Variants in PLPPR1 observed in about 807,000 individuals in gnomAD.
The protein encoded by PLPPR1 is phospholipid phosphatase related 1.
A neutral mutation model predicts 33.1 loss-of-function variants in PLPPR1; 10 were observed. That is an observed-to-expected ratio of 0.30 (90% CI 0.19 to 0.51). PLPPR1 has a LOEUF of 0.51. PLPPR1 is among the 20% of genes least tolerant of loss of function. PLPPR1 has a pLI of 0.97. For synonymous variants in PLPPR1, 151 were observed against 151.0 expected, an observed-to-expected ratio of 1.00 and a Z score of 0.00; for missense variants, 304 against 408.1, an observed-to-expected ratio of 0.74 and a Z score of 2.20.
intron 1 of PLPPR1, among the ~76,000 whole-genome samples, chr9:101,053,463 A>T (rs948328086): frequency 1.3e-5 from 2 of 152,210 alleles, no homozygotes; most frequent in African/African-American, 2.4e-5. Flanking sequence ...TCTTCCAAAA[A>T]TAAACAATTT....
At chr9:101,227,144 G>T (rs1827087901) in intron 2 of PLPPR1, among the ~76,000 whole-genome samples, 1 of 152,172 alleles carries the variant, frequency 6.6e-6, no homozygotes, top group Non-Finnish European at 1.5e-5. Flanking sequence ...TCAGCACCTT[G>T]AGGGCCTCTT....
At chr9:101,291,090 C>A (rs187143659) in intron 4 of PLPPR1, among the ~76,000 whole-genome samples, 1 of 152,204 alleles carries the variant, frequency 6.6e-6, no homozygotes, top group Non-Finnish European at 1.5e-5. Context: ...CCTAATACTG[C>A]GCTTTTCCGA....
At chr9:101,077,487 T>C (rs1830553395) in intron 1 of PLPPR1, among the ~76,000 whole-genome samples, 1 of 152,234 alleles carries the variant, frequency 6.6e-6, no homozygotes, top group African/African-American at 2.4e-5. Context: ...AGTTATGCAT[T>C]CAAATAGTGC....
intron 1 of PLPPR1, among the ~76,000 whole-genome samples, chr9:101,084,004 G>C (rs1435040923): frequency 2.0e-5 from 3 of 152,150 alleles, no homozygotes; most frequent in African/African-American, 7.2e-5. Flanking sequence ...AATTGTGTTT[G>C]GCCTGAGTGG....
rs370748970 is a variant in PLPPR1, at chr9:101,077,707, A to T, written c.-46+48605A>T. 4.6e-5 allele frequency among the ~76,000 whole-genome samples: 7 copies of T among 152,140 alleles called. No individual in the cohort carries two copies. In the East Asian group the frequency reaches 7.8e-4, roughly 17 times the overall value. On this transcript the variant is annotated intron_variant, in intron 1 of 7. Coordinates refer to ENST00000374874, the MANE Select transcript of PLPPR1 (RefSeq NM_207299.2). ...ACGAGGAGCTCCAAAGTGGGGAAAG[A>T]CCTTCAGAGTCATCCCAAATTGAGG...
rs369914371 is a variant in PLPPR1, at chr9:101,180,143, TACACACAC to T, written c.-45-5295_-45-5288del. Among the ~76,000 whole-genome samples the T allele has an allele frequency of 2.4e-3, 95 of 39,192 alleles. 3 individuals are homozygous for T. The highest frequency in any genetic ancestry group is 8.8e-3 in the African/African-American group (76 of 8,604). The allele number at this position is 39,192 out of a possible 152,430, so 25.7% of individuals were successfully genotyped here. A position where few individuals can be genotyped will look rare whatever the true frequency, so the allele number is the denominator to read the frequency against. On this transcript the variant is annotated intron_variant, in intron 1 of 7. Coordinates refer to ENST00000374874, the MANE Select transcript of PLPPR1 (RefSeq NM_207299.2). ...ATATATATATATATATATATATATA[TACACACAC>T]ACACACACACATACACACACACACA...
At chr9:101,059,100 A>C (rs1326870472) in intron 1 of PLPPR1, among the ~76,000 whole-genome samples, 1 of 152,126 alleles carries the variant, frequency 6.6e-6, no homozygotes, top group East Asian at 1.9e-4. Context: ...TTTTCATTGC[A>C]TATGAGGTAG....
chr9:101,180,143 T>TATACAC (rs1564167627), intron 1 of PLPPR1, among the ~76,000 whole-genome samples: 1 of 39,208 alleles, frequency 2.6e-5, no homozygotes, highest in Admixed American at 2.6e-4. Flanking sequence ...TATATATATA[T>TATACAC]ACACACACAC....
At chr9:101,077,680 C>A (rs1479083269) in intron 1 of PLPPR1, among the ~76,000 whole-genome samples, 2 of 152,024 alleles carry the variant, frequency 1.3e-5, no homozygotes, top group Non-Finnish European at 2.9e-5. Context: ...TTAGACAATC[C>A]CACGAGGAGC....
At chr9:101,163,227 G>A (rs1825794595) in intron 1 of PLPPR1, among the ~76,000 whole-genome samples, 1 of 152,074 alleles carries the variant, frequency 6.6e-6, no homozygotes, top group South Asian at 2.1e-4. Flanking sequence ...TTCCTATTTG[G>A]TGTCTGAACA....
At chr9:101,270,129 C>G (rs1828068157) in intron 3 of PLPPR1, 61 bp downstream of exon 3, 2 of 1,543,142 alleles carry the variant, frequency 1.3e-6, no homozygotes, top group Admixed American at 1.7e-5. Context: ...TTTCTGTCTG[C>G]TTTTTCTCCT....
Position 101,312,994 on chromosome 9 carries a change from T to G in PLPPR1, c.813+20T>G, listed in dbSNP as rs751105598. The G allele has an allele frequency of 6.2e-6, 10 of 1,612,880 alleles. No individual in the cohort carries two copies. In the African/African-American group the frequency reaches 1.2e-4, roughly 19 times the overall value. On this transcript the variant is annotated intron_variant, in intron 6 of 7. Coordinates refer to ENST00000374874, the MANE Select transcript of PLPPR1 (RefSeq NM_207299.2). ...TTTCTGGTAGGTTGACTTCCCTCTT[T>G]TTACCTTTTCCCCCTCTTCTACTCT...
At chr9:101,169,190 G>A (rs1390364808) in intron 1 of PLPPR1, among the ~76,000 whole-genome samples, 1 of 152,100 alleles carries the variant, frequency 6.6e-6, no homozygotes, top group Non-Finnish European at 1.5e-5. Flanking sequence ...GTGTGTCTGT[G>A]TGTCTGTGTG....
intron 1 of PLPPR1, among the ~76,000 whole-genome samples, chr9:101,168,449 C>T (rs1023211958): frequency 2.0e-5 from 3 of 152,126 alleles, no homozygotes; most frequent in African/African-American, 7.2e-5. Context: ...TCCTCCTGGG[C>T]CTCTTCATAA....
chr9:101,064,376 A>G (rs1450785546), intron 1 of PLPPR1, among the ~76,000 whole-genome samples: 2 of 132,808 alleles, frequency 1.5e-5, no homozygotes, highest in Admixed American at 1.5e-4. Flanking sequence ...ATGAATGAAT[A>G]GGGTTATGGA....
intron 1 of PLPPR1, among the ~76,000 whole-genome samples, chr9:101,084,670 A>G (rs956543260): frequency 6.6e-5 from 10 of 152,142 alleles, no homozygotes; most frequent in African/African-American, 2.4e-4. Flanking sequence ...GTTCTGTTCA[A>G]TTTTTGATTC....
intron 2 of PLPPR1, among the ~76,000 whole-genome samples, chr9:101,239,635 G>A (rs1256325277): frequency 6.6e-6 from 1 of 151,892 alleles, no homozygotes; most frequent in African/African-American, 2.4e-5. Context: ...AATTCATCGT[G>A]GTTATGATTT....
At chr9:101,181,263 A>G (rs1002516760) in intron 1 of PLPPR1, among the ~76,000 whole-genome samples, 1 of 149,944 alleles carries the variant, frequency 6.7e-6, no homozygotes, top group African/African-American at 2.4e-5. Flanking sequence ...ACAATGAGGT[A>G]TTACTTCATA....
intron 6 of PLPPR1, among the ~76,000 whole-genome samples, chr9:101,315,052 T>TCTGGGTAA (rs150008365): frequency 0.029 from 4,364 of 152,282 alleles, 213 homozygotes; most frequent in African/African-American, 0.1. Flanking sequence ...AATGATCAAA[T>TCTGGGTAA]CTGGGTAACT....
Sources: allele counts gnomAD v4.1 joint callset (sites outside exome capture counted in the v4.1 genomes callset), GRCh38; gene constraint gnomAD v4.1.1; transcripts MANE v1.5; gene names NCBI Gene and HGNC (gene_info 2026-07-23, HGNC 2026-07-21).